The following FAM78B variants were observed in gnomAD, a reference collection of about 807,000 sequenced individuals.
FAM78B encodes protein FAM78B.
Under a neutral mutation model 20.0 loss-of-function variants are expected in FAM78B, and 10 were observed. That is an observed-to-expected ratio of 0.50 (90% CI 0.31 to 0.85). The LOEUF is 0.85. Ranked by LOEUF, FAM78B falls within the 40% of genes least tolerant of loss-of-function variation. The pLI, the probability that FAM78B is intolerant of heterozygous loss-of-function variation, is 0.05. For missense variants in FAM78B, 283 were observed against 345.0 expected (o/e 0.82, Z 1.42); for synonymous variants, 135 against 132.8 (o/e 1.02, Z -0.12).
At chr1:166,122,784 T>C (rs1425327415) in intron 1 of FAM78B, among the ~76,000 whole-genome samples, 3 of 152,234 alleles carry the variant, frequency 2.0e-5, no homozygotes, top group Non-Finnish European at 4.4e-5. Flanking sequence ...TGTTCTGGTA[T>C]ATAAAATATG....
chr1:166,163,233 T>C, intron 1 of FAM78B, among the ~76,000 whole-genome samples: 1 of 152,106 alleles, frequency 6.6e-6, no homozygotes, highest in East Asian at 1.9e-4. Context: ...CAGGGCCAAA[T>C]GAGAAATAAA....
chr1:166,128,472 A>G (rs986466983), intron 1 of FAM78B, among the ~76,000 whole-genome samples: 4 of 152,238 alleles, frequency 2.6e-5, no homozygotes, highest in Non-Finnish European at 5.9e-5. Flanking sequence ...TGTCCCTTAT[A>G]AAGTAGGCAG....
exon 3 of FAM78B, chr1:166,059,305 T>A (rs1651480881): frequency 6.6e-6 from 1 of 152,648 alleles, no homozygotes; most frequent in Non-Finnish European, 1.5e-5. Context: ...GAGAAGGGGC[T>A]GGAGGAACGG....
At chr1:166,094,891 ATTTC>A (rs955926569) in intron 1 of FAM78B, among the ~76,000 whole-genome samples, 6 of 152,146 alleles carry the variant, frequency 3.9e-5, no homozygotes, top group Admixed American at 6.5e-5. Context: ...TGCTACATAA[ATTTC>A]TTTGTTTCAC....
intron 1 of FAM78B, among the ~76,000 whole-genome samples, chr1:166,097,841 C>T (rs182601867): frequency 1.8e-4 from 28 of 152,138 alleles, no homozygotes; most frequent in Admixed American, 7.2e-4. Context: ...GGGAGTTACA[C>T]GGTCCTGCCC....
At position 166,166,303 on chromosome 1, in the gene FAM78B, G is replaced by T. The variant is rs1363960507; in HGVS notation, c.-55C>A. On this transcript the variant is annotated 5_prime_UTR_variant, in exon 1 of 2. Coordinates refer to ENST00000354422, the MANE Select transcript of FAM78B (RefSeq NM_001017961.5). ...GTGGGGCAGCGCGGGGGCCCGCGCG[G>T]GCAGCCGGGGGCGCCCGTCACGCCG... 3.5e-6 allele frequency: 4 copies of T among 1,158,460 alleles called. No homozygotes were observed. The African/African-American group carries it at 6.5e-5, about 19-fold the overall frequency. The allele number at this position is 1,158,460 out of a possible 1,614,324, so 71.8% of individuals were successfully genotyped here.
chr1:166,095,827 G>A lies in FAM78B; in HGVS notation c.264-25064C>T, dbSNP rs554820157. ...TGTGTGTGTGTTGGGGTGGTGACGA[G>A]TAGGGGGGCAACACTCCAGTGGCAC... On this transcript the variant is annotated intron_variant, in intron 1 of 1. Transcript: ENST00000354422. Among the ~76,000 whole-genome samples, 20 of 152,318 alleles carry A rather than the reference G, an allele frequency of 1.3e-4. No individual in the cohort carries two copies. In the East Asian group the frequency reaches 3.1e-3, roughly 24 times the overall value.
At chr1:166,112,022 T>C (rs1654075266) in intron 1 of FAM78B, among the ~76,000 whole-genome samples, 1 of 152,232 alleles carries the variant, frequency 6.6e-6, no homozygotes, top group African/African-American at 2.4e-5. Flanking sequence ...CATGACTCAG[T>C]GCTGTGTCCT....
At chr1:166,077,827 TATATATAATTTATATATATAATA>T (rs1553214942) in intron 1 of FAM78B, among the ~76,000 whole-genome samples, 1 of 120,474 alleles carries the variant, frequency 8.3e-6, no homozygotes, top group Non-Finnish European at 1.7e-5. Context: ...TATATATAAA[TATATATAATTTATATATATAATA>T]ATATATATAA....
In FAM78B at chr1:166,096,206, T is replaced by G. The variant is rs530317877; in HGVS notation, c.264-25443A>C. 1.9e-4 allele frequency among the ~76,000 whole-genome samples: 29 copies of G among 152,354 alleles called. No homozygotes were observed. In the South Asian group the frequency reaches 6.0e-3, roughly 32 times the overall value. On this transcript the variant is annotated intron_variant, in intron 1 of 1. Coordinates refer to ENST00000354422, the MANE Select transcript of FAM78B (RefSeq NM_001017961.5). ...CAGCAAATTTTCATCTTGACTTGCTTTGACTGCTGGGGAGAATATAAGTTT... is the reference window on the plus strand; with the variant it reads ...CAGCAAATTTTCATCTTGACTTGCTGTGACTGCTGGGGAGAATATAAGTTT...
intron 1 of FAM78B, among the ~76,000 whole-genome samples, chr1:166,088,248 G>A (rs1009036761): frequency 6.6e-6 from 1 of 152,186 alleles, no homozygotes; most frequent in Non-Finnish European, 1.5e-5. Flanking sequence ...TTGAAATCAG[G>A]TGCTTTATGA....
intron 1 of FAM78B, among the ~76,000 whole-genome samples, chr1:166,103,381 C>A (rs1016350750): frequency 2.6e-5 from 4 of 152,002 alleles, no homozygotes; most frequent in Admixed American, 6.6e-5. Context: ...AATAGAGACA[C>A]AAAAAACCCT....
chr1:166,108,947 T>C (rs1379531375), intron 1 of FAM78B, among the ~76,000 whole-genome samples: 1 of 152,074 alleles, frequency 6.6e-6, no homozygotes, highest in Non-Finnish European at 1.5e-5. Flanking sequence ...GCTGAGATAA[T>C]TGACTAGCCA....
intron 1 of FAM78B, among the ~76,000 whole-genome samples, chr1:166,162,447 C>T (rs1380913701): frequency 6.6e-6 from 1 of 152,216 alleles, no homozygotes; most frequent in Non-Finnish European, 1.5e-5. Flanking sequence ...CCCCAGAAGA[C>T]TCAAAGAGAA....
chr1:166,144,884 T>C (rs1655403836), intron 1 of FAM78B, among the ~76,000 whole-genome samples: 1 of 152,034 alleles, frequency 6.6e-6, no homozygotes, highest in Non-Finnish European at 1.5e-5. Context: ...AATCTTTCCA[T>C]AAAAAGGCAA....
At chr1:166,151,174 C>G (rs978822837) in intron 1 of FAM78B, among the ~76,000 whole-genome samples, 2 of 152,172 alleles carry the variant, frequency 1.3e-5, no homozygotes, top group African/African-American at 4.8e-5. Flanking sequence ...CAATGCTACC[C>G]TGTAAATTGG....
At chr1:166,127,461 G>A (rs534794567) in intron 1 of FAM78B, among the ~76,000 whole-genome samples, 1 of 152,244 alleles carries the variant, frequency 6.6e-6, no homozygotes, top group Admixed American at 6.5e-5. Context: ...CTTCCTTCCA[G>A]GGGACTCAGG....
At chr1:166,124,392 G>A (rs78596893) in intron 1 of FAM78B, among the ~76,000 whole-genome samples, 2,141 of 152,290 alleles carry the variant, frequency 0.014, 53 homozygotes, top group African/African-American at 0.049. Context: ...ACAAACACAC[G>A]TAGCACTTAC....
intron 1 of FAM78B, among the ~76,000 whole-genome samples, chr1:166,091,922 C>T (rs1159281000): frequency 6.6e-6 from 1 of 152,140 alleles, no homozygotes; most frequent in Non-Finnish European, 1.5e-5. Context: ...GGTCTTAAAC[C>T]TACATCCACA....
Sources: gnomAD v4.1 joint callset for allele counts (sites outside exome capture counted in the v4.1 genomes callset) on GRCh38, gnomAD v4.1.1 for gene constraint, MANE v1.5 for transcripts, NCBI Gene and HGNC (gene_info 2026-07-23, HGNC 2026-07-21) for gene names.